ASIC2: variants seen among roughly 807,000 people sequenced by gnomAD.
ASIC2 encodes the protein acid-sensing ion channel 2.
Under a neutral mutation model 57.3 loss-of-function variants are expected in ASIC2, and 25 were observed. The observed-to-expected ratio is 0.44, with a 90% CI of 0.32 to 0.61. The LOEUF is 0.61. ASIC2 is among the 20% of genes least tolerant of loss of function. The pLI is 0.06. For missense variants in ASIC2, 641 were observed against 738.1 expected (o/e 0.87, Z 1.52); for synonymous variants, 319 against 307.5 (o/e 1.04, Z -0.39).
intron 1 of ASIC2, among the ~76,000 whole-genome samples, chr17:33,609,021 T>G (rs187575049): frequency 6.6e-6 from 1 of 152,088 alleles, no homozygotes; most frequent in East Asian, 1.9e-4. Context: ...GTGAAGGAGG[T>G]GGGGGCACAT....
intron 1 of ASIC2, among the ~76,000 whole-genome samples, chr17:33,632,561 A>C (rs1459157800): frequency 1.3e-5 from 2 of 151,954 alleles, no homozygotes; most frequent in Non-Finnish European, 2.9e-5. Flanking sequence ...TTTCCCAGTA[A>C]ACTATGGAGT....
At chr17:33,526,400 T>C (rs1335552842) in intron 1 of ASIC2, among the ~76,000 whole-genome samples, 2 of 152,184 alleles carry the variant, frequency 1.3e-5, no homozygotes, top group Non-Finnish European at 2.9e-5. Flanking sequence ...CTAGGACTCC[T>C]TCTCTTCTAT....
intron 1 of ASIC2, among the ~76,000 whole-genome samples, chr17:34,099,183 A>G (rs1262784433): frequency 2.7e-4 from 10 of 36,860 alleles, no homozygotes; most frequent in Admixed American, 2.3e-3. Context: ...AAAGAAAGAA[A>G]GAAAGAAAGA....
chr17:34,047,652 G>T (rs1192868525), intron 1 of ASIC2, among the ~76,000 whole-genome samples: 1 of 151,746 alleles, frequency 6.6e-6, no homozygotes, highest in Non-Finnish European at 1.5e-5. Context: ...TCCATTCCCT[G>T]AATCTGGGCT....
At chr17:34,144,991 T>C (rs2142139142) in intron 1 of ASIC2, among the ~76,000 whole-genome samples, 1 of 152,304 alleles carries the variant, frequency 6.6e-6, no homozygotes, top group Non-Finnish European at 1.5e-5. Flanking sequence ...GCCCTCCACA[T>C]GGAACCCGGC....
At chr17:33,853,376 G>A (rs1321897415) in intron 1 of ASIC2, among the ~76,000 whole-genome samples, 2 of 152,190 alleles carry the variant, frequency 1.3e-5, no homozygotes, top group Admixed American at 1.3e-4. Flanking sequence ...CATCAACTGT[G>A]CCAGGCACAG....
Position 33,421,019 on chromosome 17 carries a change from C to T in ASIC2, c.556-308952G>A, listed in dbSNP as rs549999728. Among the ~76,000 whole-genome samples, 7 of 152,306 alleles carry T rather than the reference C, an allele frequency of 4.6e-5. No individual in the cohort carries two copies. The East Asian group carries it at 1.4e-3, about 29-fold the overall frequency. ...GAAGTTTCTACTTTTCCTTGGAAAG[C>T]ACTCATGTAATGGAGGGAATGGAAC... On this transcript the variant is annotated intron_variant, in intron 1 of 9. Coordinates refer to the ASIC2 transcript ENST00000359872.
intron 1 of ASIC2, chr17:34,142,944 A>G (rs1912311304): frequency 6.6e-6 from 1 of 152,228 alleles, no homozygotes; most frequent in Non-Finnish European, 1.5e-5. Context: ...CCTGGCAAGA[A>G]GAGACTTCTC....
At chr17:33,186,764 A>T (rs1906213588) in intron 1 of ASIC2, among the ~76,000 whole-genome samples, 1 of 152,202 alleles carries the variant, frequency 6.6e-6, no homozygotes, top group African/African-American at 2.4e-5. Context: ...GAATAACTCA[A>T]TGTCGACCAT....
chr17:33,893,723 G>A (rs1915020211), intron 1 of ASIC2, among the ~76,000 whole-genome samples: 1 of 152,166 alleles, frequency 6.6e-6, no homozygotes, highest in African/African-American at 2.4e-5. Flanking sequence ...TGGAAACTTA[G>A]TCCATAATCC....
intron 1 of ASIC2, among the ~76,000 whole-genome samples, chr17:33,128,284 G>A (rs1280886103): frequency 2.0e-5 from 3 of 152,178 alleles, no homozygotes; most frequent in Non-Finnish European, 4.4e-5. Flanking sequence ...CCAAGGTCAA[G>A]TCTGATGAAG....
At chr17:33,317,166 G>C (rs1174059345) in intron 1 of ASIC2, among the ~76,000 whole-genome samples, 3 of 152,240 alleles carry the variant, frequency 2.0e-5, no homozygotes, top group Admixed American at 1.3e-4. Context: ...TTTGCATGCT[G>C]TTTGGAGTTT....
intron 1 of ASIC2, among the ~76,000 whole-genome samples, chr17:33,395,292 T>C (rs62069427): frequency 0.12 from 18,555 of 151,996 alleles, 1,250 homozygotes; most frequent in Middle Eastern, 0.19. Context: ...AGACGGGCAA[T>C]TTACAAAAGA....
At chr17:33,360,852 G>A (rs116989743) in intron 1 of ASIC2, among the ~76,000 whole-genome samples, 1 of 152,214 alleles carries the variant, frequency 6.6e-6, no homozygotes, top group East Asian at 1.9e-4. Flanking sequence ...TGTCTCCTAG[G>A]GATGGGAGGA....
chr17:33,078,214 G>A (rs931687445), intron 3 of ASIC2, among the ~76,000 whole-genome samples: 4 of 152,088 alleles, frequency 2.6e-5, no homozygotes, highest in African/African-American at 9.7e-5. Flanking sequence ...TAAGCAGCCA[G>A]CTTTTGATGT....
At chr17:33,634,514 C>CTTTTTTTTTT (rs71144891) in intron 1 of ASIC2, among the ~76,000 whole-genome samples, 1 of 118,504 alleles carries the variant, frequency 8.4e-6, no homozygotes, top group Non-Finnish European at 1.7e-5. Flanking sequence ...ACTTTTTTTT[C>CTTTTTTTTTT]TTTTTTTTTT....
chr17:33,653,209 C>T (rs1267030270), intron 1 of ASIC2, among the ~76,000 whole-genome samples: 2 of 152,140 alleles, frequency 1.3e-5, no homozygotes, highest in African/African-American at 4.8e-5. Context: ...GCTTGCTGGC[C>T]TTCTTCCCTG....
intron 1 of ASIC2, among the ~76,000 whole-genome samples, chr17:33,710,346 A>G (rs1908989190): frequency 6.6e-6 from 1 of 152,228 alleles, no homozygotes; most frequent in Non-Finnish European, 1.5e-5. Flanking sequence ...TAGATCCCAC[A>G]CACACAAAGA....
At chr17:33,043,863 TG>T (rs1243415596) in intron 3 of ASIC2, among the ~76,000 whole-genome samples, 1 of 152,164 alleles carries the variant, frequency 6.6e-6, no homozygotes, top group Non-Finnish European at 1.5e-5. Flanking sequence ...CACAGCTGAT[TG>T]TTGTGCTGGT....
Sources: allele counts gnomAD v4.1 joint callset (sites outside exome capture counted in the v4.1 genomes callset), GRCh38; gene constraint gnomAD v4.1.1; transcripts MANE v1.5; gene names NCBI Gene and HGNC (gene_info 2026-07-23, HGNC 2026-07-21).